The following CREBBP variants were observed in gnomAD, a reference collection of about 807,000 sequenced individuals.
CREBBP encodes the protein CREB binding lysine acetyltransferase.
CREBBP carries 19 observed loss-of-function variants against 265.0 expected under a neutral mutation model. The observed-to-expected ratio is 0.07, with a 90% CI of 0.05 to 0.11. CREBBP has a LOEUF of 0.11. CREBBP is among the 10% of genes least tolerant of loss of function. CREBBP has a pLI of 1.00. For synonymous variants in CREBBP, 1,457 were observed against 1,223.7 expected (o/e 1.19, Z -3.98); for missense variants, 2,525 against 3,219.0 (o/e 0.78, Z 5.22).
intron 26 of CREBBP, among the ~76,000 whole-genome samples, chr16:3,737,299 G>C (rs925588699): frequency 1.3e-5 from 2 of 151,312 alleles, no homozygotes; most frequent in African/African-American, 2.5e-5. Flanking sequence ...AAGGGCTAGA[G>C]AAGGAAGCCA....
intron 1 of CREBBP, among the ~76,000 whole-genome samples, chr16:3,860,530 A>C (rs1257223656): frequency 2.6e-5 from 4 of 152,188 alleles, no homozygotes; most frequent in Admixed American, 6.5e-5. Context: ...AGAATTTTTA[A>C]TTTCTAAGTT....
chr16:3,755,278 A>G (rs928057356), intron 19 of CREBBP, among the ~76,000 whole-genome samples: 1 of 152,222 alleles, frequency 6.6e-6, no homozygotes, highest in African/African-American at 2.4e-5. Flanking sequence ...GTAAAAGACC[A>G]AAATCTGTGC....
intron 23 of CREBBP, chr16:3,742,566 T>A (rs374656056): frequency 6.6e-6 from 1 of 152,318 alleles, no homozygotes; most frequent in East Asian, 1.9e-4. Context: ...AGGAAGGCTT[T>A]TCATAACTCA....
intron 1 of CREBBP, among the ~76,000 whole-genome samples, chr16:3,870,003 G>C (rs2055261276): frequency 6.6e-6 from 1 of 152,140 alleles, no homozygotes; most frequent in South Asian, 2.1e-4. Context: ...CAACCACAAT[G>C]ACACAGAAAA....
intron 24 of CREBBP, 117 bp downstream of exon 24, chr16:3,740,282 C>T (rs1224054428): frequency 1.5e-5 from 19 of 1,288,048 alleles, no homozygotes; most frequent in South Asian, 7.4e-5. Flanking sequence ...TGCACGCATT[C>T]GCTGCTGCAA....
At position 3,773,775 on chromosome 16, in the gene CREBBP, C is replaced by G. The variant is rs763702839; in HGVS notation, c.2439G>C (p.Pro813=). 5 of 1,613,834 alleles carry G rather than the reference C, an allele frequency of 3.1e-6. No homozygotes were observed. Among genetic ancestry groups the G allele is most frequent in the Non-Finnish European group, 1.7e-6 (2 of 1,180,014 alleles). ...SGAMSVGMGQ[P]PAQTGVSQGQ... is the part of the protein sequence containing the mutation. ...CCTGTGACACGCCTGTTTGGGCTGG[C>G]GGCTGCCCCATGCCCACACTCATCG... Residue 813 remains proline, a synonymous_variant, in exon 13 of 31, where the codon CCG becomes CCC. Coordinates refer to ENST00000262367, the MANE Select transcript of CREBBP (RefSeq NM_004380.3).
intron 16 of CREBBP, among the ~76,000 whole-genome samples, chr16:3,760,052 T>G (rs183834864): frequency 6.6e-6 from 1 of 152,312 alleles, no homozygotes; most frequent in East Asian, 1.9e-4. Context: ...ATGCCTTAGC[T>G]TATAAGTGAT....
chr16:3,802,114 A>ATTTTTTTTTTTTTTTTTTTT (rs71133657), intron 3 of CREBBP, among the ~76,000 whole-genome samples: 5 of 50,580 alleles, frequency 9.9e-5, no homozygotes, highest in African/African-American at 1.9e-4. Context: ...GTATTCCTTA[A>ATTTTTTTTTTTTTTTTTTTT]TTTTTTTTTT....
At chr16:3,879,793 C>A (rs1427156131) in intron 1 of CREBBP, 39 bp downstream of exon 1, 1 of 1,545,290 alleles carries the variant, frequency 6.5e-7, no homozygotes, top group East Asian at 2.4e-5. Flanking sequence ...GGGGTGACAG[C>A]GCGCCCCGGG....
chr16:3,774,900 C>T (rs1036579758), intron 11 of CREBBP, among the ~76,000 whole-genome samples: 2 of 151,992 alleles, frequency 1.3e-5, no homozygotes, highest in South Asian at 2.1e-4. Flanking sequence ...GGGGTGGTGA[C>T]GGTGGCATGG....
At chr16:3,788,873 G>A (rs766660063) in intron 5 of CREBBP, among the ~76,000 whole-genome samples, 1 of 152,190 alleles carries the variant, frequency 6.6e-6, no homozygotes, top group Non-Finnish European at 1.5e-5. Context: ...GACTGCTTGA[G>A]CCCGAGAGGT....
At chr16:3,853,981 C>CACACACACACAT (rs528259484) in intron 1 of CREBBP, among the ~76,000 whole-genome samples, 13 of 152,172 alleles carry the variant, frequency 8.5e-5, no homozygotes, top group African/African-American at 2.9e-4. Flanking sequence ...CACACACACA[C>CACACACACACAT]ACGAAAAAGA....
At chr16:3,766,591 T>A (rs1219020837) in intron 16 of CREBBP, among the ~76,000 whole-genome samples, 3 of 152,078 alleles carry the variant, frequency 2.0e-5, no homozygotes, top group Non-Finnish European at 4.4e-5. Flanking sequence ...AGTGATGTGA[T>A]CTGGGCTCAC....
At chr16:3,740,370 A>G (rs372562254) in intron 24 of CREBBP, 29 bp downstream of exon 24, 17 of 1,613,570 alleles carry the variant, frequency 1.1e-5, no homozygotes, top group Non-Finnish European at 1.4e-5. Context: ...GACTGCTCGC[A>G]GAGCACTGTA....
At chr16:3,809,479 A>G (rs2053894998) in intron 3 of CREBBP, among the ~76,000 whole-genome samples, 1 of 152,166 alleles carries the variant, frequency 6.6e-6, no homozygotes, top group South Asian at 2.1e-4. Flanking sequence ...CCCGGCCTCA[A>G]CCACCTTTTT....
chr16:3,841,249 G>A (rs2141450817), intron 2 of CREBBP, among the ~76,000 whole-genome samples: 1 of 151,976 alleles, frequency 6.6e-6, no homozygotes, highest in South Asian at 2.1e-4. Flanking sequence ...TTGACTCGAA[G>A]CCAAGAGGAC....
At chr16:3,871,201 A>T (rs751921220) in intron 1 of CREBBP, among the ~76,000 whole-genome samples, 4 of 98,326 alleles carry the variant, frequency 4.1e-5, no homozygotes, top group South Asian at 2.6e-4. Flanking sequence ...TCTCTCACTC[A>T]CACACACACA....
intron 23 of CREBBP, among the ~76,000 whole-genome samples, 168 bp downstream of exon 23, chr16:3,744,726 T>C (rs894222636): frequency 3.3e-5 from 5 of 152,120 alleles, no homozygotes; most frequent in African/African-American, 1.2e-4. Context: ...TGGCTCTCCT[T>C]AAGGATGAGA....
intron 21 of CREBBP, among the ~76,000 whole-genome samples, chr16:3,749,372 G>C (rs1370833063): frequency 1.3e-5 from 2 of 152,196 alleles, no homozygotes; most frequent in Non-Finnish European, 2.9e-5. Flanking sequence ...AATTATTAGA[G>C]AGGTTCTCAT....
Sources: allele counts gnomAD v4.1 joint callset (sites outside exome capture counted in the v4.1 genomes callset), GRCh38; gene constraint gnomAD v4.1.1; transcripts MANE v1.5; gene names NCBI Gene and HGNC (gene_info 2026-07-23, HGNC 2026-07-21).